FXYD6: variants seen among roughly 807,000 people sequenced by gnomAD.
FXYD6 encodes the protein FXYD domain-containing ion transport regulator 6.
In FXYD6, 7 loss-of-function variants were observed where a neutral mutation model predicts 16.7. The observed-to-expected ratio is 0.42, with a 90% CI of 0.24 to 0.79. FXYD6 has a LOEUF of 0.79. Ranked by LOEUF, FXYD6 falls within the 30% of genes least tolerant of loss-of-function variation. The pLI, the probability that FXYD6 is intolerant of heterozygous loss-of-function variation, is 0.28. For synonymous variants in FXYD6, 49 were observed against 43.0 expected, an observed-to-expected ratio of 1.14 and a Z score of -0.54; for missense variants, 111 against 116.2, an observed-to-expected ratio of 0.95 and a Z score of 0.21.
intron 1 of FXYD6, chr11:117,844,331 A>T (rs771903513): frequency 6.6e-6 from 1 of 152,222 alleles, no homozygotes; most frequent in Non-Finnish European, 1.5e-5. Flanking sequence ...TAACATACAC[A>T]TATAATGAGG....
At chr11:117,855,062 T>C (rs1310490803) in intron 1 of FXYD6, among the ~76,000 whole-genome samples, 2 of 152,142 alleles carry the variant, frequency 1.3e-5, no homozygotes, top group Non-Finnish European at 2.9e-5. Context: ...TAAGATATCT[T>C]CCAAAACAGT....
chr11:117,844,021 T>C (rs1467920133), intron 1 of FXYD6: 1 of 152,234 alleles, frequency 6.6e-6, no homozygotes, highest in Non-Finnish European at 1.5e-5. Context: ...CTGGGTGCTG[T>C]TTTCCATGTG....
chr11:117,862,484 C>T (rs536544513), intron 1 of FXYD6, among the ~76,000 whole-genome samples: 44 of 152,318 alleles, frequency 2.9e-4, no homozygotes, highest in Non-Finnish European at 3.2e-4. Flanking sequence ...AAACAACTCA[C>T]GCCCTTCCCT....
Position 117,842,797 on chromosome 11 carries a change from G to T in FXYD6, c.-5-16C>A, listed in dbSNP as rs1255252504. ...TCCATGGCGTCTGGGGACAGAGGGAGGAAAAAATGATTCTCTGGCTAAGAA... is the reference window on the plus strand; with the variant it reads ...TCCATGGCGTCTGGGGACAGAGGGATGAAAAAATGATTCTCTGGCTAAGAA... On this transcript the variant is annotated splice_polypyrimidine_tract_variant and intron_variant, in intron 1 of 7. Coordinates refer to ENST00000526014, the MANE Select transcript of FXYD6 (RefSeq NM_022003.4). 1 of 1,554,294 alleles carries T rather than the reference G, an allele frequency of 6.4e-7. No individual in the cohort carries two copies. The highest frequency in any genetic ancestry group is 2.4e-5 in the East Asian group (1 of 41,350).
At position 117,858,631 on chromosome 11, in the gene FXYD6, T is replaced by TTTTCTTTCTTTCCTTCTTTC. The variant is rs2056795386; in HGVS notation, c.-5-15851_-5-15850insGAAAGAAGGAAAGAAAGAAA. 2.8e-4 allele frequency among the ~76,000 whole-genome samples: 30 copies of TTTTCTTTCTTTCCTTCTTTC among 106,804 alleles called. 1 individual carries two copies. The highest frequency in any genetic ancestry group is 5.1e-4 in the East Asian group (2 of 3,932). The allele number at this position is 106,804 out of a possible 152,430, so 70.1% of individuals were successfully genotyped here. ...AGAGTCGATTCTGCTTCATTTTCTT[T>TTTTCTTTCTTTCCTTCTTTC]TTTCTTTCTTTCTTTCTTTCTTTCT... is the stretch of plus-strand genomic sequence containing the variant. On this transcript the variant is annotated intron_variant, in intron 1 of 7. Coordinates refer to ENST00000526014, the MANE Select transcript of FXYD6 (RefSeq NM_022003.4).
At chr11:117,842,506 G>A (rs1227731778) in intron 2 of FXYD6, among the ~76,000 whole-genome samples, 3 of 152,192 alleles carry the variant, frequency 2.0e-5, no homozygotes, top group African/African-American at 7.2e-5. Context: ...CGGACCCTTA[G>A]GGGGCGAGGG....
Position 117,841,150 on chromosome 11 carries a change from G to A in FXYD6, c.207C>T (p.Pro69=), listed in dbSNP as rs577342985. Residue 69 remains proline, a splice_region_variant and synonymous_variant, in exon 5 of 8, where the codon CCC becomes CCT. Coordinates refer to ENST00000526014, the MANE Select transcript of FXYD6 (RefSeq NM_022003.4). Reference sequence around the variant, plus strand: ...GGCCACTGCCACGGCATCCTTACCGGGGCTTCTGATTGAAACTGCACTTGC... The same window carrying A: ...GGCCACTGCCACGGCATCCTTACCGAGGCTTCTGATTGAAACTGCACTTGC... ...RRCKCSFNQK[P]RAPGDEEAQV... 1.6e-5 allele frequency: 26 copies of A among 1,613,898 alleles called. No homozygotes were observed. The highest frequency in any genetic ancestry group is 1.8e-5 in the Non-Finnish European group (21 of 1,180,008).
At chr11:117,873,030 AC>A (rs377334854) in intron 1 of FXYD6, among the ~76,000 whole-genome samples, 258 of 148,378 alleles carry the variant, frequency 1.7e-3, no homozygotes, top group Non-Finnish European at 3.2e-3. Flanking sequence ...TCTTTAAAGA[AC>A]CCCCCCCAAC....
At chr11:117,848,307 T>C (rs1388927166) in intron 1 of FXYD6, among the ~76,000 whole-genome samples, 3 of 152,246 alleles carry the variant, frequency 2.0e-5, no homozygotes, top group African/African-American at 7.2e-5. Flanking sequence ...TCTATTTCTA[T>C]GGTTTTTGTC....
intron 1 of FXYD6, among the ~76,000 whole-genome samples, chr11:117,864,240 A>T (rs1370824537): frequency 6.6e-6 from 1 of 152,264 alleles, no homozygotes; most frequent in Non-Finnish European, 1.5e-5. Context: ...ACATAAGAAC[A>T]GACATATATA....
intron 1 of FXYD6, among the ~76,000 whole-genome samples, chr11:117,863,624 A>G (rs754777203): frequency 6.6e-6 from 1 of 152,228 alleles, no homozygotes; most frequent in Non-Finnish European, 1.5e-5. Context: ...GCAACTATGC[A>G]AAATAAACAA....
intron 6 of FXYD6, 66 bp downstream of exon 6, chr11:117,840,253 C>T (rs776136773): frequency 1.9e-6 from 3 of 1,609,292 alleles, no homozygotes; most frequent in Non-Finnish European, 1.7e-6. Context: ...ACAGTCCCTT[C>T]CTGAGCCACA....
intron 1 of FXYD6, among the ~76,000 whole-genome samples, chr11:117,853,643 C>T (rs2056657586): frequency 6.6e-6 from 1 of 152,144 alleles, no homozygotes; most frequent in Non-Finnish European, 1.5e-5. Context: ...AAGCATGCAC[C>T]ACCATGCCCA....
At chr11:117,839,510 G>A (rs1373501333) in intron 7 of FXYD6, 5 of 449,986 alleles carry the variant, frequency 1.1e-5, no homozygotes, top group Non-Finnish European at 1.6e-5. Flanking sequence ...GTTGCACTTG[G>A]GATGACGCCC....
At position 117,841,788 on chromosome 11, in the gene FXYD6, T is replaced by G; in HGVS notation, c.172+3A>C. ...AACAGAGTGAGCAAAAGAACAAACT[T>G]ACTTAGGATAAGGAGGATCCCAACC... On this transcript the variant is annotated splice_donor_region_variant and intron_variant, in intron 4 of 7. Coordinates refer to ENST00000526014, the MANE Select transcript of FXYD6 (RefSeq NM_022003.4). 1 of 1,613,650 alleles carries G rather than the reference T, an allele frequency of 6.2e-7. No individual in the cohort carries two copies. The highest frequency in any genetic ancestry group is 8.5e-7 in the Non-Finnish European group (1 of 1,179,978).
At chr11:117,858,718 T>TC (rs1361166156) in intron 1 of FXYD6, among the ~76,000 whole-genome samples, 8 of 101,264 alleles carry the variant, frequency 7.9e-5, no homozygotes, top group African/African-American at 2.4e-4. Context: ...TCTCTCTCCT[T>TC]CCTTCCCTTC....
At chr11:117,850,016 A>G (rs2056568325) in intron 1 of FXYD6, among the ~76,000 whole-genome samples, 1 of 152,184 alleles carries the variant, frequency 6.6e-6, no homozygotes, top group African/African-American at 2.4e-5. Context: ...CATTTCCTGT[A>G]CATATGTCCT....
Position 117,837,947 on chromosome 11 carries a change from C to G in FXYD6, c.*352G>C. ...GAGCAGATGGCCATGTGGCTCAGCC[C>G]CTGCCTGGGAAAGCGAGTCCACAGT... On this transcript the variant is annotated 3_prime_UTR_variant, in exon 8 of 8. Transcript: ENST00000526014. This position sits in a 1 kb window ranked among gnomAD's most constrained non-coding sequence, Gnocchi z 4.4. The G allele has an allele frequency of 6.0e-6, 3 of 503,124 alleles. No individual in the cohort carries two copies. Among genetic ancestry groups the G allele is most frequent in the Non-Finnish European group, 1.1e-5 (3 of 278,142 alleles). The allele number at this position is 503,124 out of a possible 1,614,324, so 31.2% of individuals were successfully genotyped here.
At chr11:117,842,598 T>C in intron 2 of FXYD6, 121 bp downstream of exon 2, 1 of 997,878 alleles carries the variant, frequency 1.0e-6, no homozygotes, top group Non-Finnish European at 1.5e-6. Flanking sequence ...GGCCCCTGAC[T>C]AGACATGAAG....
Sources: allele counts gnomAD v4.1 joint callset (sites outside exome capture counted in the v4.1 genomes callset), GRCh38; gene constraint gnomAD v4.1.1; non-coding constraint Gnocchi (gnomAD v3.1); transcripts MANE v1.5; gene names NCBI Gene and HGNC (gene_info 2026-07-23, HGNC 2026-07-21).